WWP2: variants seen among roughly 807,000 people sequenced by gnomAD.
WWP2 encodes the protein WW domain containing E3 ubiquitin protein ligase 2.
A neutral mutation model predicts 121.0 loss-of-function variants in WWP2; 57 were observed. That is an observed-to-expected ratio of 0.47 (90% CI 0.38 to 0.59). The LOEUF is 0.59. Among genes scored for constraint, WWP2 ranks in the 20% least tolerant of loss-of-function variants. The probability of loss-of-function intolerance (pLI) is 0.00; values close to 1 mark genes in which losing one functional copy is unlikely to be tolerated. For missense variants in WWP2, 962 were observed against 1,158.9 expected (o/e 0.83, Z 2.47); for synonymous variants, 449 against 441.3 (o/e 1.02, Z -0.22).
intron 9 of WWP2, chr16:69,909,947 A>AT (rs1651339847): frequency 6.4e-6 from 1 of 157,364 alleles, no homozygotes; most frequent in African/African-American, 2.4e-5. Flanking sequence ...GTTTTTGTAA[A>AT]TAAGGTTTTA....
In WWP2 at chr16:69,935,818, G is replaced by C. The variant is rs1342257024; in HGVS notation, c.1843-35G>C. 5 of 1,591,946 alleles carry C rather than the reference G, an allele frequency of 3.1e-6. No homozygotes were observed. The Admixed American group carries it at 8.8e-5, about 28-fold the overall frequency. ...GCTGGTCTTGGCAGTGCCCAGGGAA[G>C]GCCAAACCTCTGTGCTGTGCCTCTT... On this transcript the variant is annotated intron_variant, in intron 17 of 23. Transcript: ENST00000359154. This position sits in a 1 kb window ranked among gnomAD's most constrained non-coding sequence, Gnocchi z 5.2.
At chr16:69,830,004 G>A (rs1051989344) in intron 4 of WWP2, among the ~76,000 whole-genome samples, 1 of 151,380 alleles carries the variant, frequency 6.6e-6, no homozygotes, top group Admixed American at 6.6e-5. Flanking sequence ...ACCTAAGCTG[G>A]AATGCAGTGG....
intron 4 of WWP2, among the ~76,000 whole-genome samples, chr16:69,807,619 C>CAAAAAAAAAAAAA (rs530408058): frequency 6.4e-5 from 3 of 46,900 alleles, no homozygotes; most frequent in East Asian, 5.6e-4. Flanking sequence ...ACCCTTTCTC[C>CAAAAAAAAAAAAA]AAAAAAAAAA....
intron 1 of WWP2, among the ~76,000 whole-genome samples, chr16:69,770,607 C>T (rs1403380587): frequency 2.6e-5 from 4 of 152,144 alleles, no homozygotes; most frequent in African/African-American, 9.7e-5. Flanking sequence ...TTTATCAATC[C>T]TAAGAACCTC....
Position 69,886,374 on chromosome 16 carries a change from G to A in WWP2, c.704-1665G>A, listed in dbSNP as rs55871972. Among the ~76,000 whole-genome samples the A allele has an allele frequency of 8.9e-4, 136 of 152,138 alleles. 2 individuals carry two copies. In the South Asian group the frequency reaches 0.024, roughly 27 times the overall value. The stretch of plus-strand genomic sequence containing the variant: ...TTAGAGGCAAAGTATCTAGGTATCC[G>A]GCCTAGATACTTTGAATTGCTTTGG... On this transcript the variant is annotated intron_variant, in intron 7 of 23. Coordinates refer to ENST00000359154, the MANE Select transcript of WWP2 (RefSeq NM_001270454.2).
chr16:69,936,079 T>C, intron 18 of WWP2, 93 bp downstream of exon 18: 1 of 1,549,838 alleles, frequency 6.5e-7, no homozygotes, highest in Non-Finnish European at 8.7e-7. Context: ...TGTCTGCCAG[T>C]GTGGCCCCTG....
At position 69,906,354 on chromosome 16, in the gene WWP2, C is replaced by G. The variant is rs138379561; in HGVS notation, c.915-2407C>G. On this transcript the variant is annotated intron_variant, in intron 8 of 23. Coordinates refer to ENST00000359154, the MANE Select transcript of WWP2 (RefSeq NM_001270454.2). ...CCCACAGTGCTGGGATTACAGGTGT[C>G]AGCCACCGCACCCGGCCTTACGTAT... Among the ~76,000 whole-genome samples the G allele has an allele frequency of 1.6e-3, 236 of 152,178 alleles. 1 individual carries two copies. Among genetic ancestry groups the G allele is most frequent in the East Asian group, 8.7e-3 (45 of 5,174 alleles).
At chr16:69,838,878 A>C in intron 4 of WWP2, 3 of 985,386 alleles carry the variant, frequency 3.0e-6, no homozygotes, top group Non-Finnish European at 3.6e-6. Context: ...GGAGAGCTTG[A>C]AAACCCAAAG....
At chr16:69,777,348 T>C (rs1414240798) in intron 1 of WWP2, among the ~76,000 whole-genome samples, 2 of 152,126 alleles carry the variant, frequency 1.3e-5, no homozygotes, top group African/African-American at 4.8e-5. Context: ...TCACCCAGGC[T>C]GGAGTGCAGT....
chr16:69,907,377 C>T (rs988455539), intron 8 of WWP2, among the ~76,000 whole-genome samples: 3 of 152,158 alleles, frequency 2.0e-5, no homozygotes, highest in Admixed American at 6.5e-5. Flanking sequence ...GCTTCTATAT[C>T]AATAGCATTG....
rs772347162 is a variant in WWP2, at chr16:69,840,312, G to A, written c.478+49G>A. On this transcript the variant is annotated intron_variant, in intron 5 of 23. Transcript: ENST00000359154. Reference sequence around the variant, plus strand: ...GACTGTGCCGGGACAGGGTGGGGCTGGGCGGGGGCCAGGAGGTGCTGAGAG... The same window carrying A: ...GACTGTGCCGGGACAGGGTGGGGCTAGGCGGGGGCCAGGAGGTGCTGAGAG... 2.5e-6 allele frequency: 4 copies of A among 1,607,564 alleles called. No individual in the cohort carries two copies. The Admixed American group carries it at 5.0e-5, about 20-fold the overall frequency.
At chr16:69,939,451 C>T in intron 23 of WWP2, 38 bp downstream of exon 23, 1 of 1,609,552 alleles carries the variant, frequency 6.2e-7, no homozygotes, top group South Asian at 1.1e-5. Context: ...CGGGGGGCCT[C>T]AGACCCGATG....
At chr16:69,767,031 GTTTTGT>G (rs935991353) in intron 1 of WWP2, among the ~76,000 whole-genome samples, 1 of 150,004 alleles carries the variant, frequency 6.7e-6, no homozygotes, top group African/African-American at 2.5e-5. Context: ...TGGAATAGGG[GTTTTGT>G]TTTTTTTTTT....
intron 6 of WWP2, among the ~76,000 whole-genome samples, chr16:69,846,555 TA>T (rs1404929073): frequency 6.6e-6 from 1 of 152,088 alleles, no homozygotes; most frequent in East Asian, 1.9e-4. Flanking sequence ...ACTTCTTCTC[TA>T]CTAAAAATAT....
intron 6 of WWP2, among the ~76,000 whole-genome samples, chr16:69,852,537 G>C (rs2057237489): frequency 6.6e-6 from 1 of 152,216 alleles, no homozygotes; most frequent in South Asian, 2.1e-4. Context: ...GCCTCCCAAA[G>C]TGCTGGGATT....
At position 69,930,358 on chromosome 16, in the gene WWP2, G is replaced by A. The variant is rs879150980; in HGVS notation, c.1445+100G>A. On this transcript the variant is annotated intron_variant, in intron 13 of 23. Coordinates refer to ENST00000359154, the MANE Select transcript of WWP2 (RefSeq NM_001270454.2). ...CCACTTTGGGTGGCCCCTGTGGTGC[G>A]TTCTACTGCCCTTACTGCCCTCTAG... 16 of 1,536,968 alleles carry A rather than the reference G, an allele frequency of 1.0e-5. No homozygotes were observed. The African/African-American group carries it at 1.1e-4, about 11-fold the overall frequency.
chr16:69,813,942 G>A (rs2056443416), intron 4 of WWP2, among the ~76,000 whole-genome samples: 1 of 152,160 alleles, frequency 6.6e-6, no homozygotes, highest in South Asian at 2.1e-4. Flanking sequence ...AGAAGAGAAA[G>A]GCAAACAAGT....
chr16:69,848,704 A>T (rs1057473318), intron 6 of WWP2, among the ~76,000 whole-genome samples: 2 of 146,842 alleles, frequency 1.4e-5, no homozygotes, highest in Non-Finnish European at 3.0e-5. Context: ...TTCCTTTCTT[A>T]TGTGTATATG....
At chr16:69,826,364 G>A (rs148652320) in intron 4 of WWP2, among the ~76,000 whole-genome samples, 37 of 151,130 alleles carry the variant, frequency 2.4e-4, no homozygotes, top group African/African-American at 8.3e-4. Context: ...CCAGGAGTAC[G>A]AGACCAGCTT....
Sources: gnomAD v4.1 joint callset for allele counts (sites outside exome capture counted in the v4.1 genomes callset) on GRCh38, gnomAD v4.1.1 for gene constraint, Gnocchi (gnomAD v3.1) non-coding constraint, MANE v1.5 for transcripts, NCBI Gene and HGNC (gene_info 2026-07-23, HGNC 2026-07-21) for gene names.